ATP8A2: variants seen among roughly 807,000 people sequenced by gnomAD.
ATP8A2 encodes the protein ATPase phospholipid transporting 8A2.
ATP8A2 carries 100 observed loss-of-function variants against 165.6 expected under a neutral mutation model. That is an observed-to-expected ratio of 0.60 (90% CI 0.51 to 0.71). ATP8A2 has a LOEUF of 0.71. Among genes scored for constraint, ATP8A2 ranks in the 30% least tolerant of loss-of-function variants. The pLI is 0.00. For missense variants in ATP8A2, 1,227 were observed against 1,479.5 expected (o/e 0.83, Z 2.80); for synonymous variants, 543 against 548.8 (o/e 0.99, Z 0.15).
At chr13:25,833,789 A>G (rs1035040279) in intron 28 of ATP8A2, among the ~76,000 whole-genome samples, 1 of 152,238 alleles carries the variant, frequency 6.6e-6, no homozygotes, top group African/African-American at 2.4e-5. Flanking sequence ...TGTAGCCGCA[A>G]TTGGACATGC....
chr13:25,664,509 T>A (rs2042111516), intron 24 of ATP8A2, among the ~76,000 whole-genome samples: 1 of 152,166 alleles, frequency 6.6e-6, no homozygotes, highest in African/African-American at 2.4e-5. Context: ...TGAGATAGAC[T>A]GGCTCAGAGA....
chr13:25,994,290 G>A (rs115383975), intron 35 of ATP8A2, among the ~76,000 whole-genome samples: 2,243 of 151,436 alleles, frequency 0.015, 61 homozygotes, highest in African/African-American at 0.052. Flanking sequence ...GTATTTCTTG[G>A]GATTTTCCAG....
chr13:25,419,897 A>G (rs2034249392), intron 1 of ATP8A2, among the ~76,000 whole-genome samples: 1 of 152,192 alleles, frequency 6.6e-6, no homozygotes, highest in Admixed American at 6.5e-5. Context: ...ATATTTTCTG[A>G]CAATGCACAT....
intron 1 of ATP8A2, among the ~76,000 whole-genome samples, chr13:25,428,417 C>T (rs538976782): frequency 9.9e-5 from 15 of 152,038 alleles, no homozygotes; most frequent in Non-Finnish European, 1.5e-4. Flanking sequence ...GTGCTGGGTT[C>T]GAGGATGAGC....
At chr13:25,870,222 C>G (rs900576506) in intron 33 of ATP8A2, among the ~76,000 whole-genome samples, 2 of 152,192 alleles carry the variant, frequency 1.3e-5, no homozygotes, top group Admixed American at 6.5e-5. Flanking sequence ...CAGTGTTCCT[C>G]TGCTGATGTG....
At chr13:25,546,596 T>C (rs1261040224) in intron 10 of ATP8A2, among the ~76,000 whole-genome samples, 2 of 151,968 alleles carry the variant, frequency 1.3e-5, no homozygotes, top group African/African-American at 2.4e-5. Context: ...TTTACTTACA[T>C]GTAGAAATAT....
chr13:25,661,902 C>A (rs2042058831), intron 24 of ATP8A2, among the ~76,000 whole-genome samples: 1 of 152,156 alleles, frequency 6.6e-6, no homozygotes, highest in South Asian at 2.1e-4. Context: ...CACATGAAAT[C>A]ATTCATTTAG....
intron 25 of ATP8A2, chr13:25,705,268 G>A (rs757895859): frequency 1.3e-4 from 44 of 326,528 alleles, no homozygotes; most frequent in Non-Finnish European, 2.0e-4. Flanking sequence ...TGACTGTCTC[G>A]TCAGGAAAAG....
chr13:25,777,185 C>T (rs1253031517), intron 27 of ATP8A2, among the ~76,000 whole-genome samples: 2 of 151,970 alleles, frequency 1.3e-5, no homozygotes, highest in South Asian at 4.2e-4. Flanking sequence ...AAGTCTGCAC[C>T]ACTCCATGCC....
intron 33 of ATP8A2, among the ~76,000 whole-genome samples, chr13:25,902,404 A>G (rs1953780861): frequency 6.6e-6 from 1 of 152,108 alleles, no homozygotes; most frequent in African/African-American, 2.4e-5. Flanking sequence ...GGTGTTTTTG[A>G]ACTAGGACAT....
intron 1 of ATP8A2, among the ~76,000 whole-genome samples, chr13:25,421,004 T>C (rs1007420111): frequency 6.6e-6 from 1 of 152,248 alleles, no homozygotes; most frequent in African/African-American, 2.4e-5. Flanking sequence ...CCTTTATTTC[T>C]AAAGCTTTGA....
rs573003475 is a variant in ATP8A2, at chr13:25,953,133, C to T, written c.3184-8442C>T. ...TTATTTTGTTGTTGTGTTGTCGATG[C>T]TGGGTGGGAATGGATTGGAAAAATT... On this transcript the variant is annotated intron_variant, in intron 33 of 36. Coordinates refer to ENST00000381655, the MANE Select transcript of ATP8A2 (RefSeq NM_016529.6). The surrounding 1 kb of genome is among the most constrained non-coding windows in gnomAD (Gnocchi z 6.7). Among the ~76,000 whole-genome samples, 279 of 152,214 alleles carry T rather than the reference C, an allele frequency of 1.8e-3. 2 individuals carry two copies. Among genetic ancestry groups the T allele is most frequent in the South Asian group, 3.3e-3 (16 of 4,820 alleles).
At chr13:25,603,738 G>C (rs189668229) in intron 24 of ATP8A2, among the ~76,000 whole-genome samples, 3 of 152,086 alleles carry the variant, frequency 2.0e-5, no homozygotes, top group African/African-American at 7.2e-5. Flanking sequence ...GTTAAGACCC[G>C]AGGGGTTTGG....
chr13:25,949,547 G>A (rs887188334), intron 33 of ATP8A2, among the ~76,000 whole-genome samples: 1 of 152,134 alleles, frequency 6.6e-6, no homozygotes, highest in Admixed American at 6.5e-5. Context: ...TGTTAAAATT[G>A]CCTATAAGTA....
chr13:25,616,887 C>T (rs1159853111), intron 24 of ATP8A2, among the ~76,000 whole-genome samples: 1 of 152,014 alleles, frequency 6.6e-6, no homozygotes, highest in African/African-American at 2.4e-5. Context: ...TAATAACAGC[C>T]CTTTGACACG....
At chr13:25,760,635 A>G (rs761986835) in intron 25 of ATP8A2, among the ~76,000 whole-genome samples, 30 of 152,208 alleles carry the variant, frequency 2.0e-4, no homozygotes, top group Non-Finnish European at 3.2e-4. Flanking sequence ...GAAATAATTA[A>G]AATTAAACTT....
intron 24 of ATP8A2, among the ~76,000 whole-genome samples, chr13:25,660,370 A>G (rs776799502): frequency 6.6e-6 from 1 of 152,216 alleles, no homozygotes; most frequent in Admixed American, 6.5e-5. Flanking sequence ...CTAGAGCCCA[A>G]TTTAAAACAC....
intron 27 of ATP8A2, among the ~76,000 whole-genome samples, chr13:25,825,675 A>G (rs377583364): frequency 6.6e-6 from 1 of 152,166 alleles, no homozygotes; most frequent in African/African-American, 2.4e-5. Context: ...CCAGGCTCTC[A>G]TTGCACTAAA....
intron 2 of ATP8A2, among the ~76,000 whole-genome samples, chr13:25,507,205 G>T (rs1423569357): frequency 3.3e-5 from 5 of 149,304 alleles, no homozygotes; most frequent in Non-Finnish European, 1.5e-5. Context: ...GGGTAATTGT[G>T]CTGGTACCAT....
Sources: gnomAD v4.1 joint callset for allele counts (sites outside exome capture counted in the v4.1 genomes callset) on GRCh38, gnomAD v4.1.1 for gene constraint, Gnocchi (gnomAD v3.1) non-coding constraint, MANE v1.5 for transcripts, NCBI Gene and HGNC (gene_info 2026-07-23, HGNC 2026-07-21) for gene names.